MAPKAP1: variants seen among roughly 807,000 people sequenced by gnomAD.
MAPKAP1 encodes the protein MAPK associated protein 1.
Under a neutral mutation model 65.7 loss-of-function variants are expected in MAPKAP1, and 20 were observed. The observed-to-expected ratio is 0.30, with a 90% CI of 0.21 to 0.44. The LOEUF (loss-of-function observed/expected upper bound fraction) is 0.44. Ranked by LOEUF, MAPKAP1 falls within the 20% of genes least tolerant of loss-of-function variation. The probability of loss-of-function intolerance (pLI) is 1.00; values close to 1 mark genes in which losing one functional copy is unlikely to be tolerated. For missense variants in MAPKAP1, 423 were observed against 648.0 expected, an observed-to-expected ratio of 0.65 and a Z score of 3.77; for synonymous variants, 222 against 244.3, an observed-to-expected ratio of 0.91 and a Z score of 0.85.
At chr9:125,620,292 A>C (rs1325994612) in intron 4 of MAPKAP1, among the ~76,000 whole-genome samples, 1 of 152,150 alleles carries the variant, frequency 6.6e-6, no homozygotes, top group Non-Finnish European at 1.5e-5. Context: ...TGGATGACAG[A>C]GCGAAAAAAA....
chr9:125,648,123 A>G (rs571931408), intron 4 of MAPKAP1, among the ~76,000 whole-genome samples: 1 of 152,284 alleles, frequency 6.6e-6, no homozygotes, highest in African/African-American at 2.4e-5. Flanking sequence ...TCGCCATAAC[A>G]ACGACTGCAA....
chr9:125,437,994 A>C lies in MAPKAP1; in HGVS notation c.*893T>G. ...GCTTGAAAAAGGAGGCAGGCGCTGT[A>C]AGGAGAAGAGGAATGGGGAATGTGG... On this transcript the variant is annotated 3_prime_UTR_variant, in exon 12 of 12. Coordinates refer to ENST00000265960, the MANE Select transcript of MAPKAP1 (RefSeq NM_001006617.3). 5.5e-6 allele frequency: 1 copy of C among 180,752 alleles called. No homozygotes were observed. Among genetic ancestry groups the C allele is most frequent in the Non-Finnish European group, 1.1e-5 (1 of 87,252 alleles). 11.2% of individuals were successfully genotyped at this position (180,752 alleles called of 1,614,324 possible). A position where few individuals can be genotyped will look rare whatever the true frequency, so the allele number is the denominator to read the frequency against.
chr9:125,650,550 A>C (rs1479292930), intron 4 of MAPKAP1: 4 of 152,222 alleles, frequency 2.6e-5, no homozygotes, highest in Admixed American at 1.3e-4. Context: ...AAAAGATTTT[A>C]ACCCAAGCCT....
chr9:125,586,496 A>G, intron 4 of MAPKAP1, among the ~76,000 whole-genome samples: 1 of 149,906 alleles, frequency 6.7e-6, no homozygotes, highest in Admixed American at 6.6e-5. Context: ...TTAAAAGAGG[A>G]CTGCTTTGTT....
chr9:125,650,678 C>T (rs914363814), intron 4 of MAPKAP1, among the ~76,000 whole-genome samples: 5 of 152,216 alleles, frequency 3.3e-5, no homozygotes, highest in Admixed American at 3.3e-4. Context: ...GAAGCCACCA[C>T]AGACTGGCAA....
chr9:125,668,465 T>A (rs1834404176), intron 3 of MAPKAP1, among the ~76,000 whole-genome samples: 1 of 152,166 alleles, frequency 6.6e-6, no homozygotes, highest in African/African-American at 2.4e-5. Context: ...ATGGAGCCAA[T>A]CCACAAATAT....
Position 125,530,410 on chromosome 9 carries a change from T to C in MAPKAP1, c.958+12649A>G, listed in dbSNP as rs532886435. On this transcript the variant is annotated intron_variant, in intron 7 of 11. Transcript: ENST00000265960. ...TAAGTATACTTCCTCTTTTAAATGT[T>C]TTCTGAGAAACAGCAACAGGGTCTG... 3.0e-4 allele frequency among the ~76,000 whole-genome samples: 46 copies of C among 152,370 alleles called. No homozygotes were observed. The South Asian group carries it at 9.3e-3, about 31-fold the overall frequency.
intron 1 of MAPKAP1, among the ~76,000 whole-genome samples, chr9:125,705,164 G>A (rs1835719475): frequency 6.6e-6 from 1 of 152,150 alleles, no homozygotes; most frequent in Admixed American, 6.5e-5. Flanking sequence ...TATAACTTTT[G>A]GTTTCAATAT....
intron 3 of MAPKAP1, among the ~76,000 whole-genome samples, chr9:125,663,277 AC>A (rs1834242013): frequency 6.6e-6 from 1 of 152,196 alleles, no homozygotes; most frequent in African/African-American, 2.4e-5. Context: ...TTTTGAATAC[AC>A]CAGGCACGTT....
chr9:125,596,963 T>TA (rs56718500), intron 4 of MAPKAP1, among the ~76,000 whole-genome samples: 116,479 of 129,236 alleles, frequency 0.9, 53,062 homozygotes, highest in Non-Finnish European at 0.97. Context: ...AAATGTGTCT[T>TA]AAAAAAAAAA....
chr9:125,573,671 T>G (rs1025181053), intron 5 of MAPKAP1, among the ~76,000 whole-genome samples: 1 of 152,228 alleles, frequency 6.6e-6, no homozygotes. Context: ...AATCCCACTC[T>G]GTTCTCCCTG....
At chr9:125,480,698 C>T (rs1002429930) in intron 9 of MAPKAP1, among the ~76,000 whole-genome samples, 4 of 152,112 alleles carry the variant, frequency 2.6e-5, no homozygotes, top group Non-Finnish European at 2.9e-5. Flanking sequence ...ATGGGCCGGG[C>T]GCGGTGGCTC....
chr9:125,496,317 C>T (rs72767101), intron 8 of MAPKAP1, among the ~76,000 whole-genome samples: 2,156 of 152,352 alleles, frequency 0.014, 19 homozygotes, highest in Middle Eastern at 0.031. Flanking sequence ...TAAAAATCCT[C>T]ACCCTACAGA....
intron 1 of MAPKAP1, among the ~76,000 whole-genome samples, chr9:125,682,730 A>G (rs1834859585): frequency 6.6e-6 from 1 of 152,244 alleles, no homozygotes; most frequent in Non-Finnish European, 1.5e-5. Flanking sequence ...TGCCAAAAGA[A>G]CTAGACTGTT....
intron 1 of MAPKAP1, among the ~76,000 whole-genome samples, chr9:125,698,280 T>A (rs1309458422): frequency 3.6e-4 from 9 of 24,886 alleles, no homozygotes; most frequent in Admixed American, 1.9e-3. Flanking sequence ...TAATACATAA[T>A]ATATATAAAT....
chr9:125,679,423 T>C (rs1834754760), intron 1 of MAPKAP1, among the ~76,000 whole-genome samples: 1 of 152,130 alleles, frequency 6.6e-6, no homozygotes, highest in South Asian at 2.1e-4. Flanking sequence ...AGTAAACCCT[T>C]AGCTCCCCTC....
At chr9:125,502,022 T>C (rs1018505010) in intron 8 of MAPKAP1, among the ~76,000 whole-genome samples, 4 of 152,130 alleles carry the variant, frequency 2.6e-5, no homozygotes, top group Non-Finnish European at 5.9e-5. Context: ...TTATTGCTTC[T>C]TTTATTCGTT....
At chr9:125,626,692 G>A (rs532353960) in intron 4 of MAPKAP1, among the ~76,000 whole-genome samples, 1 of 152,290 alleles carries the variant, frequency 6.6e-6, no homozygotes, top group Non-Finnish European at 1.5e-5. Context: ...AGGAATTAAG[G>A]AAGCCTGATT....
At position 125,447,449 on chromosome 9, in the gene MAPKAP1, G is replaced by A. The variant is rs1021863781; in HGVS notation, c.1346-2851C>T. The stretch of plus-strand genomic sequence containing the variant: ...GCACGGTGGACAGCCACAGCAGACA[G>A]CCCCCTCTTGCTCTCTGCAAGGAGT... On this transcript the variant is annotated intron_variant, in intron 10 of 11. Transcript: ENST00000265960. The surrounding 1 kb of genome is among the most constrained non-coding windows in gnomAD (Gnocchi z 4.5). 11 of 456,546 alleles carry A rather than the reference G, an allele frequency of 2.4e-5. No individual in the cohort carries two copies. Among genetic ancestry groups the A allele is most frequent in the Admixed American group, 1.2e-4 (5 of 42,570 alleles). 28.3% of individuals were successfully genotyped at this position (456,546 alleles called of 1,614,324 possible).
Sources: gnomAD v4.1 joint callset for allele counts (sites outside exome capture counted in the v4.1 genomes callset) on GRCh38, gnomAD v4.1.1 for gene constraint, Gnocchi (gnomAD v3.1) non-coding constraint, MANE v1.5 for transcripts, NCBI Gene and HGNC (gene_info 2026-07-23, HGNC 2026-07-21) for gene names.